The following TTC13 variants were observed in gnomAD, a reference collection of about 807,000 sequenced individuals.
The protein encoded by TTC13 is tetratricopeptide repeat protein 13.
TTC13 carries 62 observed loss-of-function variants against 120.0 expected under a neutral mutation model. The observed-to-expected ratio is 0.52, with a 90% CI of 0.42 to 0.64. The LOEUF is 0.64. Among genes scored for constraint, TTC13 ranks in the 30% least tolerant of loss-of-function variants. The pLI is 0.00. For missense variants in TTC13, 824 were observed against 1,050.2 expected, an observed-to-expected ratio of 0.78 and a Z score of 2.98; for synonymous variants, 384 against 393.5, an observed-to-expected ratio of 0.98 and a Z score of 0.28.
intron 3 of TTC13, among the ~76,000 whole-genome samples, chr1:230,955,033 A>T (rs1675924778): frequency 6.6e-6 from 1 of 152,222 alleles, no homozygotes; most frequent in Non-Finnish European, 1.5e-5. Context: ...GTTGTTTAGG[A>T]AAGTGGTATT....
At chr1:230,918,309 A>G (rs1672240796) in intron 17 of TTC13, among the ~76,000 whole-genome samples, 1 of 152,206 alleles carries the variant, frequency 6.6e-6, no homozygotes, top group Non-Finnish European at 1.5e-5. Context: ...GCCAATGACA[A>G]TGTAGCTCAC....
chr1:230,958,136 T>C, intron 3 of TTC13, 88 bp downstream of exon 3: 1 of 1,388,248 alleles, frequency 7.2e-7, no homozygotes, highest in Non-Finnish European at 1.0e-6. Context: ...CCAGTCTCTC[T>C]ACTCCTTACC....
At chr1:230,958,075 TCA>T in intron 3 of TTC13, 147 bp downstream of exon 3, 1 of 565,208 alleles carries the variant, frequency 1.8e-6, no homozygotes, top group Non-Finnish European at 2.9e-6. Context: ...AAATGGAATG[TCA>T]CAAGGGCTGA....
chr1:230,920,549 T>G lies in TTC13; in HGVS notation c.1944A>C (p.Glu648Asp), dbSNP rs1254071604. 2.5e-6 allele frequency: 4 copies of G among 1,603,194 alleles called. No homozygotes were observed. Among genetic ancestry groups the G allele is most frequent in the Non-Finnish European group, 3.4e-6 (4 of 1,176,296 alleles). Residue 648 changes from glutamate (E) to aspartate (D), a missense_variant, in exon 17 of 23, where the codon GAA becomes GAC. Glu to Asp is a conservative substitution (Grantham distance 45, BLOSUM62 2). Coordinates refer to ENST00000366661, the MANE Select transcript of TTC13 (RefSeq NM_024525.5). ...KGLLEVREAL[E>D]KVHKVEDLLP... ...GAAGGTCTTCTACTTTGTGTACCTT[T>G]TCCAGGGCTTCCCGAACTTCCAGCA...
In TTC13 at chr1:230,940,600, A is replaced by G. The variant is rs1674445414; in HGVS notation, c.673-44T>C. Reference sequence around the variant, plus strand: ...TAATCAGGAAGAATACCAATGACCAACCCTAAAATCCCAATGTTTTTGACT... The same window carrying G: ...TAATCAGGAAGAATACCAATGACCAGCCCTAAAATCCCAATGTTTTTGACT... On this transcript the variant is annotated intron_variant, in intron 6 of 22. Coordinates refer to ENST00000366661, the MANE Select transcript of TTC13 (RefSeq NM_024525.5). The surrounding 1 kb of genome is among the most constrained non-coding windows in gnomAD (Gnocchi z 4.1). The G allele has an allele frequency of 7.8e-7, 1 of 1,289,596 alleles. No homozygotes were observed. The highest frequency in any genetic ancestry group is 2.4e-4 in the Middle Eastern group (1 of 4,142). 79.9% of individuals were successfully genotyped at this position (1,289,596 alleles called of 1,614,324 possible).
At chr1:230,958,082 G>T in intron 3 of TTC13, 142 bp downstream of exon 3, 1 of 628,932 alleles carries the variant, frequency 1.6e-6, no homozygotes, top group African/African-American at 1.9e-5. Context: ...ATGTCACAAG[G>T]GCTGAATGCT....
At chr1:230,960,163 A>G (rs1274707292) in intron 2 of TTC13, among the ~76,000 whole-genome samples, 1 of 152,216 alleles carries the variant, frequency 6.6e-6, no homozygotes, top group African/African-American at 2.4e-5. Context: ...TATCTGGAGA[A>G]TGGATCAATA....
intron 18 of TTC13, among the ~76,000 whole-genome samples, chr1:230,915,419 C>A (rs979812795): frequency 2.0e-5 from 3 of 151,980 alleles, no homozygotes; most frequent in Admixed American, 6.5e-5. Context: ...AATATGGAGG[C>A]TGACAGACAA....
At chr1:230,908,846 C>G in intron 21 of TTC13, 55 bp from the exon 22 acceptor site, 1 of 1,605,912 alleles carries the variant, frequency 6.2e-7, no homozygotes, top group African/African-American at 1.3e-5. Context: ...ACAGGCTCGG[C>G]TGGAGATCTA....
At position 230,961,864 on chromosome 1, in the gene TTC13, A is replaced by T. The variant is rs546467186; in HGVS notation, c.272-561T>A. The stretch of plus-strand genomic sequence containing the variant: ...TATGGGGCAGCATTTACCATAGATT[A>T]AAAAAAATCACAAAAGGAGAATAAG... On this transcript the variant is annotated intron_variant, in intron 1 of 22. Coordinates refer to ENST00000366661, the MANE Select transcript of TTC13 (RefSeq NM_024525.5). Among the ~76,000 whole-genome samples, 21 of 152,124 alleles carry T rather than the reference A, an allele frequency of 1.4e-4. 1 individual carries two copies. The South Asian group carries it at 1.7e-3, about 12-fold the overall frequency.
At chr1:230,967,596 C>T (rs960067736) in intron 1 of TTC13, among the ~76,000 whole-genome samples, 5 of 152,058 alleles carry the variant, frequency 3.3e-5, no homozygotes, top group Admixed American at 6.6e-5. Flanking sequence ...CTTTTAATTG[C>T]TTGCTAATAT....
rs1302531277 is a variant in TTC13, at chr1:230,945,388, C to T, written c.579+1G>A. 6.2e-7 allele frequency: 1 copy of T among 1,613,792 alleles called. No homozygotes were observed. Among genetic ancestry groups the T allele is most frequent in the Non-Finnish European group, 8.5e-7 (1 of 1,179,670 alleles). On this transcript the variant is annotated splice_donor_variant, in intron 5 of 22. Transcript: ENST00000366661. LOFTEE classifies it high-confidence loss of function. The stretch of plus-strand genomic sequence containing the variant: ...GGCAATCGTAACTATTACATACTCA[C>T]ATGTAGTCCCTTCTTTCCATAGGCT...
At chr1:230,929,815 A>T (rs1415042498) in intron 11 of TTC13, among the ~76,000 whole-genome samples, 1 of 152,162 alleles carries the variant, frequency 6.6e-6, no homozygotes, top group Non-Finnish European at 1.5e-5. Context: ...GTAGGAAAAA[A>T]CCCAAAGTAC....
Position 230,917,315 on chromosome 1 carries a change from G to A in TTC13, c.1984-1013C>T, listed in dbSNP as rs559361378. On this transcript the variant is annotated intron_variant, in intron 17 of 22. Transcript: ENST00000366661. ...ACAGATGAGAAACGAACTAGGTGAG[G>A]CAAAGTCTGGCTGAGTCCCAGCCAG... Among the ~76,000 whole-genome samples, 44 of 152,318 alleles carry A rather than the reference G, an allele frequency of 2.9e-4. 1 individual carries two copies. In the South Asian group the frequency reaches 3.3e-3, roughly 11 times the overall value.
intron 4 of TTC13, among the ~76,000 whole-genome samples, chr1:230,946,896 A>G (rs993698315): frequency 1.3e-5 from 2 of 152,116 alleles, no homozygotes; most frequent in East Asian, 3.9e-4. Flanking sequence ...CATGTTATAG[A>G]CCTACAGAAA....
At chr1:230,947,433 G>C (rs976089096) in intron 4 of TTC13, among the ~76,000 whole-genome samples, 2 of 152,100 alleles carry the variant, frequency 1.3e-5, no homozygotes, top group African/African-American at 4.8e-5. Flanking sequence ...GGTGGGAGGC[G>C]GTAAGCCCAG....
In TTC13 at chr1:230,906,712, C is replaced by A. The variant is rs981553331; in HGVS notation, c.*193G>T. On this transcript the variant is annotated 3_prime_UTR_variant, in exon 23 of 23. Coordinates refer to ENST00000366661, the MANE Select transcript of TTC13 (RefSeq NM_024525.5). ...TTCCCTCCAAGTCAAGTAGCTTTTTCCCCCCGAAAGCCTCTTTCATGATTT... is the reference window on the plus strand; with the variant it reads ...TTCCCTCCAAGTCAAGTAGCTTTTTACCCCCGAAAGCCTCTTTCATGATTT... The A allele has an allele frequency of 2.2e-5, 7 of 319,484 alleles. No individual in the cohort carries two copies. The highest frequency in any genetic ancestry group is 1.3e-4 in the African/African-American group (6 of 46,402). The allele number at this position is 319,484 out of a possible 1,614,324, so 19.8% of individuals were successfully genotyped here.
chr1:230,908,600 T>G, intron 22 of TTC13, 112 bp downstream of exon 22: 1 of 774,290 alleles, frequency 1.3e-6, no homozygotes, highest in Non-Finnish European at 2.1e-6. Flanking sequence ...ACATATTAAC[T>G]TATAAAAATG....
intron 17 of TTC13, among the ~76,000 whole-genome samples, chr1:230,919,166 C>CT (rs1365016626): frequency 6.6e-6 from 1 of 151,836 alleles, no homozygotes; most frequent in Non-Finnish European, 1.5e-5. Context: ...TACTATCATA[C>CT]TTTTGTATCT....
Sources: allele counts gnomAD v4.1 joint callset (sites outside exome capture counted in the v4.1 genomes callset), GRCh38; gene constraint gnomAD v4.1.1; non-coding constraint Gnocchi (gnomAD v3.1); transcripts MANE v1.5; gene names NCBI Gene and HGNC (gene_info 2026-07-23, HGNC 2026-07-21).